Variants in SPDYE10 observed in about 807,000 individuals in gnomAD.
The protein encoded by SPDYE10 is speedy protein E10.
At chr7:73,124,255 TG>T in the SPDYE10 span, among the ~76,000 whole-genome samples, 1 of 126,636 alleles carries the variant, frequency 7.9e-6, no homozygotes, top group Admixed American at 8.8e-5. Flanking sequence ...TGGTCTGGAG[TG>T]GAGGTGGTCC....
chr7:73,137,913 A>G, the SPDYE10 span, among the ~76,000 whole-genome samples: 127 of 113,798 alleles, frequency 1.1e-3, no homozygotes, highest in African/African-American at 3.3e-3. Context: ...AGGGGAAGGG[A>G]AGGGGAAGGG....
the SPDYE10 span, among the ~76,000 whole-genome samples, chr7:73,139,718 G>A: frequency 9.9e-5 from 14 of 141,204 alleles, no homozygotes; most frequent in East Asian, 1.0e-3. Context: ...GTGCAGTGGC[G>A]CGATCTCGGC....
At chr7:73,142,967 A>AGGGG in the SPDYE10 span, among the ~76,000 whole-genome samples, 1 of 101,126 alleles carries the variant, frequency 9.9e-6, no homozygotes, top group East Asian at 3.0e-4. Flanking sequence ...AGGGAAGGAG[A>AGGGG]GAGGGAGGGA....
chr7:73,127,431 C>T, the SPDYE10 span, among the ~76,000 whole-genome samples: 11 of 116,436 alleles, frequency 9.4e-5, no homozygotes, highest in African/African-American at 3.3e-4. Context: ...TGGTGGTGTG[C>T]GCTTGTAATC....
the SPDYE10 span, among the ~76,000 whole-genome samples, chr7:73,113,647 G>A: frequency 9.9e-5 from 15 of 151,618 alleles, no homozygotes; most frequent in South Asian, 2.1e-4. Context: ...TAATCCCAGC[G>A]CTTTGGGAGG....
chr7:73,123,935 G>GT, the SPDYE10 span, among the ~76,000 whole-genome samples: 1 of 151,048 alleles, frequency 6.6e-6, no homozygotes, highest in South Asian at 2.1e-4. Flanking sequence ...TTTTTGTGGG[G>GT]TTTTTTTGTT....
the SPDYE10 span, among the ~76,000 whole-genome samples, chr7:73,128,153 A>G: frequency 5.9e-5 from 9 of 152,228 alleles, no homozygotes; most frequent in African/African-American, 1.7e-4. Flanking sequence ...AAAGCTACAT[A>G]TATCATTATA....
At chr7:73,124,930 T>TAAATAAAG in the SPDYE10 span, among the ~76,000 whole-genome samples, 8 of 144,350 alleles carry the variant, frequency 5.5e-5, no homozygotes, top group Middle Eastern at 7.1e-3. Context: ...TCTAAATAAA[T>TAAATAAAG]AAATAAATAA....
the SPDYE10 span, among the ~76,000 whole-genome samples, chr7:73,127,938 C>A: frequency 7.4e-6 from 1 of 135,552 alleles, no homozygotes; most frequent in African/African-American, 2.9e-5. Flanking sequence ...TTATCCCAAC[C>A]ATTCCACATA....
At chr7:73,151,612 G>A in the SPDYE10 span, among the ~76,000 whole-genome samples, 1 of 26,598 alleles carries the variant, frequency 3.8e-5, no homozygotes, top group Non-Finnish European at 7.4e-5. Flanking sequence ...TGGGCCCAAG[G>A]GATCCTCCCA....
chr7:73,131,702 T>A, the SPDYE10 span, among the ~76,000 whole-genome samples: 2 of 150,532 alleles, frequency 1.3e-5, no homozygotes, highest in African/African-American at 4.9e-5. Context: ...ATCTGGCTAA[T>A]TTTTGTATTT....
chr7:73,153,781 TAAATA>T, the SPDYE10 span, among the ~76,000 whole-genome samples: 1 of 89,926 alleles, frequency 1.1e-5, no homozygotes, highest in African/African-American at 7.0e-5. Context: ...AAAAAATAAA[TAAATA>T]AAAGAAAAAG....
the SPDYE10 span, among the ~76,000 whole-genome samples, chr7:73,124,449 G>C: frequency 6.6e-6 from 1 of 150,716 alleles, no homozygotes; most frequent in African/African-American, 2.4e-5. Flanking sequence ...TTCAGCCCTG[G>C]GAGAGGGGTC....
the SPDYE10 span, among the ~76,000 whole-genome samples, chr7:73,114,485 CT>C: frequency 1.3e-5 from 2 of 150,140 alleles, no homozygotes; most frequent in African/African-American, 4.9e-5. Flanking sequence ...TGACACTGAT[CT>C]TTTTGCAAGT....
the SPDYE10 span, among the ~76,000 whole-genome samples, chr7:73,113,882 C>T: frequency 6.6e-6 from 1 of 152,024 alleles, no homozygotes; most frequent in Non-Finnish European, 1.5e-5. Flanking sequence ...AAAAAGTAGC[C>T]AGGCATGGTT....
At chr7:73,115,203 T>G in the SPDYE10 span, among the ~76,000 whole-genome samples, 2 of 152,114 alleles carry the variant, frequency 1.3e-5, no homozygotes, top group Admixed American at 1.3e-4. Flanking sequence ...GACTGTTCTT[T>G]TCTCTTACGT....
chr7:73,115,071 A>T, the SPDYE10 span, among the ~76,000 whole-genome samples: 33 of 151,908 alleles, frequency 2.2e-4, no homozygotes, highest in Non-Finnish European at 4.4e-4. Flanking sequence ...TAATTTCTGT[A>T]TTTTTGTAGA....
At chr7:73,127,844 G>A in the SPDYE10 span, among the ~76,000 whole-genome samples, 2 of 129,804 alleles carry the variant, frequency 1.5e-5, no homozygotes, top group Non-Finnish European at 3.2e-5. Flanking sequence ...TGGGTGTGTA[G>A]AAAAAGGAGA....
At chr7:73,123,788 C>CTCT in the SPDYE10 span, among the ~76,000 whole-genome samples, 129 of 97,454 alleles carry the variant, frequency 1.3e-3, no homozygotes, top group African/African-American at 1.8e-3. Context: ...TCTCTCTCTC[C>CTCT]CTCTCTCTCT....
Sources: allele counts gnomAD v4.1 joint callset (sites outside exome capture counted in the v4.1 genomes callset), GRCh38; gene constraint gnomAD v4.1.1; transcripts MANE v1.5; gene names NCBI Gene and HGNC (gene_info 2026-07-23, HGNC 2026-07-21).